The following DPY30 variants were observed in gnomAD, a reference collection of about 807,000 sequenced individuals.
The protein encoded by DPY30 is dpy-30 histone methyltransferase complex regulatory subunit.
In DPY30, 6 loss-of-function variants were observed where a neutral mutation model predicts 16.2. That is an observed-to-expected ratio of 0.37 (90% confidence interval 0.20 to 0.73). The LOEUF (loss-of-function observed/expected upper bound fraction) is 0.73, where lower values mean the gene tolerates loss of function less well. DPY30 is among the 30% of genes least tolerant of loss of function. DPY30 has a pLI of 0.51. For missense variants in DPY30, 73 were observed against 113.1 expected, an observed-to-expected ratio of 0.65 and a Z score of 1.61; for synonymous variants, 39 against 38.8, an observed-to-expected ratio of 1.00 and a Z score of -0.02.
rs1344444272 is a variant in DPY30 at position 32,024,149 on chromosome 2, A to G, written c.*35T>C. The stretch of plus-strand genomic sequence containing the variant: ...CTGCCTCTTAATCATGTAAATCTAC[A>G]GTAGCAACTAAATTTTTCTGTTCTT... On this transcript the variant is annotated 3_prime_UTR_variant, in exon 5 of 5. Transcript: ENST00000342166. 2 of 1,600,490 alleles carry G rather than the reference A, an allele frequency of 1.2e-6. No homozygotes were observed. Among genetic ancestry groups the G allele is most frequent in the Non-Finnish European group, 1.7e-6 (2 of 1,172,934 alleles).
At chr2:32,031,622 C>T (rs908394933) in intron 3 of DPY30, among the ~76,000 whole-genome samples, 10 of 148,982 alleles carry the variant, frequency 6.7e-5, no homozygotes, top group Non-Finnish European at 1.3e-4. Context: ...AGGCCGGGCA[C>T]GGTGGCTCAC....
chr2:32,039,288 G>T lies in DPY30; in HGVS notation c.75C>A (p.Asp25Glu). 6.2e-7 allele frequency: 1 copy of T among 1,614,162 alleles called. No individual in the cohort carries two copies. The highest frequency in any genetic ancestry group is 8.5e-7 in the Non-Finnish European group (1 of 1,180,032). ...ENPHSEYGLT[D>E]NVERIVENEK... ...GAACTTGGCGAGTTACCTCAACGTT[G>T]TCTGTGAGACCGTACTCAGAGTGAG... Residue 25 changes from aspartate (D) to glutamate (E), a missense_variant, in exon 3 of 5, where the codon GAC becomes GAA. By Grantham distance (45) the Asp-to-Glu change is conservative. Transcript: ENST00000342166.
At chr2:32,027,779 C>A (rs555532991) in intron 4 of DPY30, among the ~76,000 whole-genome samples, 1 of 151,746 alleles carries the variant, frequency 6.6e-6, no homozygotes, top group Admixed American at 6.6e-5. Flanking sequence ...CAGGCACCTG[C>A]CACCACGCCC....
At chr2:32,033,064 A>T (rs1675601801) in intron 3 of DPY30, among the ~76,000 whole-genome samples, 1 of 151,088 alleles carries the variant, frequency 6.6e-6, no homozygotes, top group Non-Finnish European at 1.5e-5. Context: ...TAATCCCAGT[A>T]CTTTGGGAGG....
At chr2:32,033,874 G>A (rs544733937) in intron 3 of DPY30, among the ~76,000 whole-genome samples, 1 of 152,110 alleles carries the variant, frequency 6.6e-6, no homozygotes, top group Non-Finnish European at 1.5e-5. Context: ...CAAACAATGA[G>A]CTGATAAGAC....
chr2:32,016,055 T>C (rs1572985687), intron 5 of DPY30, among the ~76,000 whole-genome samples: 1 of 151,972 alleles, frequency 6.6e-6, no homozygotes, highest in East Asian at 1.9e-4. Flanking sequence ...CACACCACCA[T>C]GCCTGGCTAA....
chr2:32,027,347 T>C (rs1005898288), intron 4 of DPY30, among the ~76,000 whole-genome samples: 8 of 149,682 alleles, frequency 5.3e-5, no homozygotes, highest in African/African-American at 2.0e-4. Context: ...CTGGCCAACA[T>C]GGTGAAACCC....
chr2:32,025,985 G>C (rs1287425457), intron 4 of DPY30, among the ~76,000 whole-genome samples: 1 of 152,036 alleles, frequency 6.6e-6, no homozygotes, highest in Non-Finnish European at 1.5e-5. Flanking sequence ...GCGCACACCT[G>C]TAGTCACAGC....
rs538988546 is a variant in DPY30, at chr2:32,024,008, T to G, written c.*176A>C. On this transcript the variant is annotated 3_prime_UTR_variant, in exon 5 of 5. Coordinates refer to ENST00000342166, the MANE Select transcript of DPY30 (RefSeq NM_001321209.2). ...ACACTCATTAAATAGGTATGGTTTA[T>G]GGTGATTAAATCAAAATAAGGGAAA... is the stretch of plus-strand genomic sequence containing the variant. 2.1e-5 allele frequency: 31 copies of G among 1,455,926 alleles called. No individual in the cohort carries two copies. In the African/African-American group the frequency reaches 4.3e-4, roughly 20 times the overall value. 90.2% of individuals were successfully genotyped at this position (1,455,926 alleles called of 1,614,324 possible). A position where few individuals can be genotyped will look rare whatever the true frequency, so the allele number is the denominator to read the frequency against.
chr2:32,035,206 C>T (rs1675690607), intron 3 of DPY30, among the ~76,000 whole-genome samples: 1 of 151,944 alleles, frequency 6.6e-6, no homozygotes, highest in Non-Finnish European at 1.5e-5. Flanking sequence ...TCACTTAAGA[C>T]CAGGAGTTTG....
In DPY30 at chr2:32,039,799, C is replaced by G. The variant is rs1274762133; in HGVS notation, c.-103G>C. 8 of 371,110 alleles carry G rather than the reference C, an allele frequency of 2.2e-5. No homozygotes were observed. Among genetic ancestry groups the G allele is most frequent in the Non-Finnish European group, 4.0e-5 (8 of 201,146 alleles). 23.0% of individuals were successfully genotyped at this position (371,110 alleles called of 1,614,324 possible). A position where few individuals can be genotyped will look rare whatever the true frequency, so the allele number is the denominator to read the frequency against. Reference sequence around the variant, plus strand: ...CACCAGCTCCCAGCACAAACAGCTCCGGCCGTAAGTGACGGCTGTCGCACG... The same window carrying G: ...CACCAGCTCCCAGCACAAACAGCTCGGGCCGTAAGTGACGGCTGTCGCACG... On this transcript the variant is annotated 5_prime_UTR_variant, in exon 1 of 5. Transcript: ENST00000342166.
downstream of DPY30, among the ~76,000 whole-genome samples, chr2:32,021,307 G>A (rs775809612): frequency 2.6e-5 from 4 of 152,060 alleles, no homozygotes; most frequent in South Asian, 6.2e-4. Flanking sequence ...CCACTAGGTC[G>A]AGTATTGAAT....
downstream of DPY30, among the ~76,000 whole-genome samples, chr2:32,022,721 T>C (rs1286483960): frequency 1.3e-5 from 2 of 151,802 alleles, no homozygotes; most frequent in African/African-American, 4.8e-5. Context: ...TTTCACCATA[T>C]TGGCCAGGCT....
At chr2:32,012,424 T>C (rs1237097571) in intron 5 of DPY30, among the ~76,000 whole-genome samples, 5 of 118,262 alleles carry the variant, frequency 4.2e-5, no homozygotes, top group African/African-American at 1.6e-4. Flanking sequence ...TTTTTCTTTT[T>C]TTTTTTTTTT....
chr2:32,027,121 C>A (rs1675361502), intron 4 of DPY30, among the ~76,000 whole-genome samples: 1 of 151,082 alleles, frequency 6.6e-6, no homozygotes, highest in African/African-American at 2.4e-5. Flanking sequence ...ACTGAAAATA[C>A]AAAAATTAGC....
At chr2:32,031,120 TA>T (rs1201574300) in intron 3 of DPY30, among the ~76,000 whole-genome samples, 1 of 152,150 alleles carries the variant, frequency 6.6e-6, no homozygotes, top group Non-Finnish European at 1.5e-5. Flanking sequence ...TTTTTAAAAC[TA>T]ATGTATTAAA....
chr2:32,037,804 C>T (rs776186098), intron 3 of DPY30, among the ~76,000 whole-genome samples: 1 of 151,860 alleles, frequency 6.6e-6, no homozygotes, highest in African/African-American at 2.4e-5. Context: ...CTGCCCACCT[C>T]GGCCTCCCAA....
In DPY30 at chr2:32,038,135, C is replaced by CTTT. The variant is rs35016868; in HGVS notation, c.84+1141_84+1143dup. Among the ~76,000 whole-genome samples, 173 of 108,024 alleles carry CTTT rather than the reference C, an allele frequency of 1.6e-3. 4 individuals carry two copies. The South Asian group carries it at 0.051, about 32-fold the overall frequency. The allele number at this position is 108,024 out of a possible 152,430, so 70.9% of individuals were successfully genotyped here. On this transcript the variant is annotated intron_variant, in intron 3 of 4. Transcript: ENST00000342166. ...TTAACTTGTATTGCTCATTTTCTTT[C>CTTT]TTTTTTTTTTTTTTTTTTTGGACAA... is the stretch of plus-strand genomic sequence containing the variant.
chr2:32,032,365 T>C (rs1235957365), intron 3 of DPY30, among the ~76,000 whole-genome samples: 2 of 152,232 alleles, frequency 1.3e-5, no homozygotes, highest in African/African-American at 4.8e-5. Context: ...CAGCTTTCCA[T>C]TGCAGAAAAC....
Sources: gnomAD v4.1 joint callset for allele counts (sites outside exome capture counted in the v4.1 genomes callset) on GRCh38, gnomAD v4.1.1 for gene constraint, MANE v1.5 for transcripts, NCBI Gene and HGNC (gene_info 2026-07-23, HGNC 2026-07-21) for gene names.